ELAPOR2: variants seen among roughly 807,000 people sequenced by gnomAD.
ELAPOR2 encodes endosome-lysosome associated apoptosis and autophagy regulator family member 2, also known as endosome/lysosome-associated apoptosis and autophagy regulator family member 2.
A neutral mutation model predicts 120.7 loss-of-function variants in ELAPOR2; 89 were observed. The observed-to-expected ratio is 0.74, with a 90% CI of 0.62 to 0.88. The LOEUF (loss-of-function observed/expected upper bound fraction) is 0.88, where lower values mean the gene tolerates loss of function less well. ELAPOR2 is among the 40% of genes least tolerant of loss of function. The probability of loss-of-function intolerance (pLI) is 0.00; values close to 1 mark genes in which losing one functional copy is unlikely to be tolerated. For synonymous variants in ELAPOR2, 444 were observed against 444.9 expected, an observed-to-expected ratio of 1.00 and a Z score of 0.03; for missense variants, 1,134 against 1,251.6, an observed-to-expected ratio of 0.91 and a Z score of 1.42.
chr7:86,894,408 T>G (rs1048039311), intron 19 of ELAPOR2, among the ~76,000 whole-genome samples: 1 of 152,060 alleles, frequency 6.6e-6, no homozygotes, highest in Non-Finnish European at 1.5e-5. Flanking sequence ...TCAGCAAATG[T>G]TGACTTTATT....
At chr7:87,042,745 A>G (rs1330765122) in intron 1 of ELAPOR2, among the ~76,000 whole-genome samples, 2 of 152,184 alleles carry the variant, frequency 1.3e-5, no homozygotes, top group Non-Finnish European at 2.9e-5. Context: ...GCAGAAGGCA[A>G]GAAATAACTA....
chr7:87,023,201 T>C (rs983675604), intron 1 of ELAPOR2, among the ~76,000 whole-genome samples: 1 of 152,236 alleles, frequency 6.6e-6, no homozygotes, highest in Non-Finnish European at 1.5e-5. Context: ...GTTTTAGGTC[T>C]AACATTTAAG....
rs1300703155 is a variant in ELAPOR2, at chr7:87,023,843, T to C, written c.189+35482A>G. On this transcript the variant is annotated intron_variant, in intron 1 of 21. Coordinates refer to ENST00000450689, the MANE Select transcript of ELAPOR2 (RefSeq NM_001142749.3). ...TTTGAAGCAATTGTGAATGGGAGTT[T>C]ACTCATGATTTGGCTCTCTGTTTGT... 6.6e-5 allele frequency among the ~76,000 whole-genome samples: 10 copies of C among 152,144 alleles called. No individual in the cohort carries two copies. In the South Asian group the frequency reaches 1.2e-3, roughly 19 times the overall value.
chr7:86,885,840 G>A (rs919264188), intron 21 of ELAPOR2, among the ~76,000 whole-genome samples: 4 of 152,230 alleles, frequency 2.6e-5, no homozygotes, highest in Non-Finnish European at 4.4e-5. Context: ...ATATACAGTA[G>A]AACTTGATGT....
chr7:86,958,911 A>G (rs551685842), intron 2 of ELAPOR2, among the ~76,000 whole-genome samples: 1 of 152,316 alleles, frequency 6.6e-6, no homozygotes, highest in South Asian at 2.1e-4. Context: ...TCTGTAGATG[A>G]CTTTGAGTAG....
chr7:86,990,096 G>C (rs1377667890), intron 1 of ELAPOR2, among the ~76,000 whole-genome samples: 1 of 151,778 alleles, frequency 6.6e-6, no homozygotes, highest in African/African-American at 2.4e-5. Flanking sequence ...CCCCAGGCTG[G>C]AGTGCAGTGG....
intron 1 of ELAPOR2, among the ~76,000 whole-genome samples, chr7:87,033,695 T>C (rs996410143): frequency 1.3e-5 from 2 of 152,038 alleles, no homozygotes; most frequent in Admixed American, 6.6e-5. Context: ...ACTGAAAGAC[T>C]AAATAAGTGA....
intron 6 of ELAPOR2, 38 bp downstream of exon 6, chr7:86,939,972 G>A (rs990545005): frequency 7.9e-7 from 1 of 1,260,840 alleles, no homozygotes; most frequent in East Asian, 2.4e-5. Flanking sequence ...ACTGTAAGAT[G>A]TGACTGGTGA....
intron 1 of ELAPOR2, among the ~76,000 whole-genome samples, chr7:86,975,579 A>G (rs1486869851): frequency 1.3e-5 from 2 of 152,090 alleles, no homozygotes; most frequent in East Asian, 1.9e-4. Flanking sequence ...TGGCTTTCCT[A>G]TTTCTTTAGG....
At chr7:87,040,547 G>A (rs1405296883) in intron 1 of ELAPOR2, among the ~76,000 whole-genome samples, 1 of 152,124 alleles carries the variant, frequency 6.6e-6, no homozygotes. Context: ...ACCTGCAGCT[G>A]AGGGTCCTGT....
intron 1 of ELAPOR2, among the ~76,000 whole-genome samples, chr7:87,040,863 G>C (rs1310373092): frequency 6.6e-6 from 1 of 151,930 alleles, no homozygotes; most frequent in East Asian, 1.9e-4. Context: ...TGAAAACTTT[G>C]AAAAAAATTT....
chr7:86,924,918 C>T (rs57733298), intron 10 of ELAPOR2, among the ~76,000 whole-genome samples: 5,806 of 152,018 alleles, frequency 0.038, 375 homozygotes, highest in African/African-American at 0.13. Flanking sequence ...AATACCTACC[C>T]GTAGCATAAA....
intron 1 of ELAPOR2, among the ~76,000 whole-genome samples, chr7:87,048,232 G>C (rs959510838): frequency 1.3e-5 from 2 of 148,168 alleles, no homozygotes; most frequent in Non-Finnish European, 3.0e-5. Context: ...GACAGAGTGA[G>C]ACTTCATCTA....
intron 1 of ELAPOR2, among the ~76,000 whole-genome samples, chr7:87,035,080 T>C (rs1386837361): frequency 4.6e-5 from 6 of 131,706 alleles, no homozygotes; most frequent in Non-Finnish European, 9.6e-5. Flanking sequence ...AGAGTGAAAC[T>C]CCGTCTCAAA....
intron 1 of ELAPOR2, among the ~76,000 whole-genome samples, chr7:87,040,863 G>GA (rs1366208998): frequency 6.6e-6 from 1 of 151,930 alleles, no homozygotes; most frequent in Admixed American, 6.6e-5. Context: ...TGAAAACTTT[G>GA]AAAAAAATTT....
intron 1 of ELAPOR2, among the ~76,000 whole-genome samples, chr7:86,997,101 A>G (rs1176178971): frequency 6.6e-6 from 1 of 152,122 alleles, no homozygotes; most frequent in Admixed American, 6.6e-5. Flanking sequence ...ATCTATCCCT[A>G]TGTTTAAGGA....
intron 1 of ELAPOR2, among the ~76,000 whole-genome samples, chr7:87,040,335 AAGAC>A: frequency 1.3e-5 from 2 of 152,318 alleles, no homozygotes; most frequent in East Asian, 1.9e-4. Context: ...GACAAACAAA[AAGAC>A]AGCAGTAACC....
chr7:86,911,349 T>G (rs1419873350), intron 15 of ELAPOR2, among the ~76,000 whole-genome samples: 1 of 152,180 alleles, frequency 6.6e-6, no homozygotes, highest in Non-Finnish European at 1.5e-5. Context: ...ATCAGATCTC[T>G]TTTTGTTTCC....
At chr7:86,912,563 A>G (rs958031852) in intron 14 of ELAPOR2, among the ~76,000 whole-genome samples, 17 of 152,232 alleles carry the variant, frequency 1.1e-4, no homozygotes, top group African/African-American at 4.1e-4. Context: ...TCCTTCACTC[A>G]TAATATGGCA....
Sources: allele counts gnomAD v4.1 joint callset (sites outside exome capture counted in the v4.1 genomes callset), GRCh38; gene constraint gnomAD v4.1.1; transcripts MANE v1.5; gene names NCBI Gene and HGNC (gene_info 2026-07-23, HGNC 2026-07-21).